SETBP1: variants seen among roughly 807,000 people sequenced by gnomAD.
SETBP1 encodes the protein SET-binding protein.
A neutral mutation model predicts 101.0 loss-of-function variants in SETBP1; 9 were observed. That is an observed-to-expected ratio of 0.09 (90% CI 0.05 to 0.16). The LOEUF (loss-of-function observed/expected upper bound fraction) is 0.16. Ranked by LOEUF, SETBP1 falls within the 10% of genes least tolerant of loss-of-function variation. The pLI, the probability that SETBP1 is intolerant of heterozygous loss-of-function variation, is 1.00. For missense variants in SETBP1, 1,858 were observed against 2,033.8 expected (o/e 0.91, Z 1.66); for synonymous variants, 818 against 788.5 (o/e 1.04, Z -0.63).
chr18:44,894,794 G>A (rs2069853377), intron 3 of SETBP1, among the ~76,000 whole-genome samples: 1 of 151,730 alleles, frequency 6.6e-6, no homozygotes, highest in South Asian at 2.1e-4. Context: ...ATGGATTTCA[G>A]CCATTGTAAA....
intron 4 of SETBP1, among the ~76,000 whole-genome samples, chr18:45,021,545 T>C (rs1048062744): frequency 6.6e-6 from 1 of 152,232 alleles, no homozygotes; most frequent in African/African-American, 2.4e-5. Context: ...TCAAAGCTTT[T>C]TCATAATTGG....
At chr18:44,810,286 C>G (rs562657373) in intron 2 of SETBP1, among the ~76,000 whole-genome samples, 5 of 152,320 alleles carry the variant, frequency 3.3e-5, no homozygotes, top group African/African-American at 7.2e-5. Context: ...GCAGGCCCTC[C>G]TTCCTGAACA....
intron 3 of SETBP1, among the ~76,000 whole-genome samples, chr18:44,912,754 G>C (rs2070342376): frequency 6.6e-6 from 1 of 152,142 alleles, no homozygotes; most frequent in African/African-American, 2.4e-5. Flanking sequence ...TATGTGCAGA[G>C]AATGTTTACC....
At chr18:44,863,941 C>T (rs1476494519) in intron 2 of SETBP1, among the ~76,000 whole-genome samples, 2 of 152,136 alleles carry the variant, frequency 1.3e-5, no homozygotes, top group African/African-American at 2.4e-5. Context: ...CAGCATGACC[C>T]ACACCCTGCC....
intron 2 of SETBP1, among the ~76,000 whole-genome samples, chr18:44,773,169 A>T (rs947732001): frequency 6.6e-6 from 1 of 152,226 alleles, no homozygotes; most frequent in Non-Finnish European, 1.5e-5. Context: ...AAAAAAATAA[A>T]TGTATAGACA....
Position 45,016,239 on chromosome 18 carries a change from A to T in SETBP1, c.4001-22246A>T, listed in dbSNP as rs534581232. Among the ~76,000 whole-genome samples the T allele has an allele frequency of 3.3e-5, 5 of 152,316 alleles. No homozygotes were observed. The East Asian group carries it at 7.7e-4, about 24-fold the overall frequency. On this transcript the variant is annotated intron_variant, in intron 4 of 5. Coordinates refer to ENST00000649279, the MANE Select transcript of SETBP1 (RefSeq NM_015559.3). ...TTTAGGAAAACTCATGATTGAATGT[A>T]ATTTCTGCAGCTGCCATTAGAAAGC...
intron 2 of SETBP1, among the ~76,000 whole-genome samples, chr18:44,769,752 G>C (rs2070833840): frequency 6.6e-6 from 1 of 152,206 alleles, no homozygotes; most frequent in African/African-American, 2.4e-5. Flanking sequence ...AGTTCATGAA[G>C]TGCCACCTTT....
chr18:44,831,777 C>T (rs1485447027), intron 2 of SETBP1, among the ~76,000 whole-genome samples: 1 of 152,140 alleles, frequency 6.6e-6, no homozygotes, highest in Non-Finnish European at 1.5e-5. Context: ...TGTAGACTTC[C>T]TGAATTAAAA....
chr18:44,945,337 G>T (rs566024466), intron 3 of SETBP1, among the ~76,000 whole-genome samples: 1 of 152,294 alleles, frequency 6.6e-6, no homozygotes, highest in South Asian at 2.1e-4. Flanking sequence ...ATATTATTTA[G>T]TTAACTTATA....
At chr18:44,847,247 C>T (rs2072743255) in intron 2 of SETBP1, among the ~76,000 whole-genome samples, 1 of 152,204 alleles carries the variant, frequency 6.6e-6, no homozygotes, top group Admixed American at 6.5e-5. Context: ...ACTTCTGAGG[C>T]CTTCTGTTTT....
intron 2 of SETBP1, among the ~76,000 whole-genome samples, chr18:44,794,576 G>A (rs1432713629): frequency 6.6e-6 from 1 of 152,116 alleles, no homozygotes; most frequent in African/African-American, 2.4e-5. Context: ...TATAGAAGAG[G>A]ATTTTGAAGT....
intron 4 of SETBP1, among the ~76,000 whole-genome samples, chr18:45,037,264 A>G (rs1339048768): frequency 6.6e-6 from 1 of 152,138 alleles, no homozygotes; most frequent in Non-Finnish European, 1.5e-5. Flanking sequence ...TTACATTTGG[A>G]TGAGTTAGAG....
intron 3 of SETBP1, among the ~76,000 whole-genome samples, chr18:44,929,397 C>G (rs555551651): frequency 6.6e-6 from 1 of 152,076 alleles, no homozygotes; most frequent in African/African-American, 2.4e-5. Context: ...CTTTTGGCTT[C>G]GGATTGTCTT....
chr18:44,810,568 T>C (rs1322133830), intron 2 of SETBP1, among the ~76,000 whole-genome samples: 1 of 152,214 alleles, frequency 6.6e-6, no homozygotes, highest in Non-Finnish European at 1.5e-5. Flanking sequence ...GCTTTCCAAA[T>C]GATCATTGCC....
intron 4 of SETBP1, among the ~76,000 whole-genome samples, chr18:44,961,525 C>T (rs749222942): frequency 2.6e-5 from 4 of 152,118 alleles, no homozygotes; most frequent in Non-Finnish European, 4.4e-5. Flanking sequence ...AAGAAGACTA[C>T]GTTTGTGAAG....
intron 3 of SETBP1, among the ~76,000 whole-genome samples, chr18:44,892,071 A>G (rs1195737166): frequency 6.6e-6 from 1 of 152,190 alleles, no homozygotes; most frequent in Admixed American, 6.5e-5. Context: ...TATAAAATGA[A>G]TCCTGAATAA....
In SETBP1 at chr18:44,850,558, G is replaced by A. The variant is rs559027336; in HGVS notation, c.487-18672G>A. Among the ~76,000 whole-genome samples, 442 of 151,910 alleles carry A rather than the reference G, an allele frequency of 2.9e-3. 2 individuals are homozygous for A. Among genetic ancestry groups the A allele is most frequent in the African/African-American group, 0.01 (429 of 41,412 alleles). ...GCTAATTTTTGTATTTTTAGTAGAG[G>A]CAGGGTTTCACCATATTGGTCAGGC... On this transcript the variant is annotated intron_variant, in intron 2 of 5. Transcript: ENST00000649279.
chr18:44,775,818 C>T (rs1366087973), intron 2 of SETBP1, among the ~76,000 whole-genome samples: 1 of 151,954 alleles, frequency 6.6e-6, no homozygotes, highest in Non-Finnish European at 1.5e-5. Flanking sequence ...TAAGGGCCGT[C>T]TCACTCATTG....
rs547813171 is a variant in SETBP1, at chr18:45,000,555, G to C, written c.4001-37930G>C. 1.4e-4 allele frequency among the ~76,000 whole-genome samples: 21 copies of C among 152,194 alleles called. No individual in the cohort carries two copies. The East Asian group carries it at 3.5e-3, about 25-fold the overall frequency. On this transcript the variant is annotated intron_variant, in intron 4 of 5. Transcript: ENST00000649279. ...CACCACCACCAAATCTGTTGAAAATGTGTCTGTCTAAATTGTGCTAAATAT... is the reference window on the plus strand; with the variant it reads ...CACCACCACCAAATCTGTTGAAAATCTGTCTGTCTAAATTGTGCTAAATAT...
Sources: allele counts gnomAD v4.1 joint callset (sites outside exome capture counted in the v4.1 genomes callset), GRCh38; gene constraint gnomAD v4.1.1; transcripts MANE v1.5; gene names NCBI Gene and HGNC (gene_info 2026-07-23, HGNC 2026-07-21).